RERE: variants seen among roughly 807,000 people sequenced by gnomAD.
The protein encoded by RERE is arginine-glutamic acid dipeptide repeats protein.
In RERE, 40 loss-of-function variants were observed where a neutral mutation model predicts 146.1. The observed-to-expected ratio is 0.27, with a 90% confidence interval of 0.21 to 0.36. The LOEUF is 0.36. RERE is among the 10% of genes least tolerant of loss of function. The pLI is 1.00. For synonymous variants in RERE, 1,003 were observed against 866.0 expected (o/e 1.16, Z -2.78); for missense variants, 1,933 against 2,138.7 (o/e 0.90, Z 1.90).
At chr1:8,780,098 C>A (rs566398801) in intron 1 of RERE, among the ~76,000 whole-genome samples, 18 of 152,146 alleles carry the variant, frequency 1.2e-4, no homozygotes, top group Admixed American at 9.8e-4. Context: ...TGGCAAGATT[C>A]TGTCTCAAAA....
chr1:8,743,012 C>T (rs1640341914), intron 1 of RERE, among the ~76,000 whole-genome samples: 2 of 151,958 alleles, frequency 1.3e-5, no homozygotes, highest in South Asian at 2.1e-4. Flanking sequence ...ATTGTTTAAT[C>T]CTCGAGACAT....
At chr1:8,799,122 T>C (rs1250917401) in intron 1 of RERE, among the ~76,000 whole-genome samples, 1 of 151,756 alleles carries the variant, frequency 6.6e-6, no homozygotes, top group Admixed American at 6.6e-5. Context: ...GCCTCCTGAG[T>C]AGTTAGGATT....
chr1:8,520,776 A>AAAAC (rs1406118842), intron 7 of RERE, among the ~76,000 whole-genome samples: 16 of 150,364 alleles, frequency 1.1e-4, no homozygotes, highest in African/African-American at 3.9e-4. Flanking sequence ...AAAAAAAAAA[A>AAAAC]CCACTATGAC....
chr1:8,559,654 CTT>C (rs1646054523), intron 4 of RERE, among the ~76,000 whole-genome samples: 1 of 151,940 alleles, frequency 6.6e-6, no homozygotes, highest in Admixed American at 6.6e-5. Context: ...TAACATCTGA[CTT>C]GAGAAAAAAT....
intron 1 of RERE, among the ~76,000 whole-genome samples, chr1:8,766,530 C>G (rs6577521): frequency 0.85 from 123,608 of 144,764 alleles, 52,827 homozygotes; most frequent in East Asian, 0.95. Context: ...CTAGGCAACA[C>G]AGCAAGACTC....
intron 19 of RERE, among the ~76,000 whole-genome samples, chr1:8,359,452 T>G (rs952982953): frequency 6.6e-6 from 1 of 152,286 alleles, no homozygotes; most frequent in East Asian, 1.9e-4. Flanking sequence ...CCCGACTCCT[T>G]CAAATTACTT....
chr1:8,505,120 C>CT (rs1307749366), intron 8 of RERE, among the ~76,000 whole-genome samples: 2 of 152,116 alleles, frequency 1.3e-5, no homozygotes, highest in Non-Finnish European at 2.9e-5. Flanking sequence ...CACTGGGGGA[C>CT]TAGGGGAAGG....
chr1:8,606,348 A>C (rs1646708204), intron 4 of RERE, among the ~76,000 whole-genome samples: 1 of 152,180 alleles, frequency 6.6e-6, no homozygotes. Context: ...AAAATTTTCC[A>C]ATTTATGTTC....
chr1:8,471,608 G>A (rs1644687419), intron 10 of RERE, among the ~76,000 whole-genome samples: 1 of 151,638 alleles, frequency 6.6e-6, no homozygotes, highest in South Asian at 2.1e-4. Context: ...GAATTCCTGG[G>A]CTCAAGCAAT....
chr1:8,519,184 C>A (rs1381960527), intron 7 of RERE, among the ~76,000 whole-genome samples: 2 of 152,056 alleles, frequency 1.3e-5, no homozygotes, highest in Admixed American at 1.3e-4. Context: ...AGTTCAGGAC[C>A]AGCCTAGGCA....
At chr1:8,766,068 G>C (rs962203456) in intron 1 of RERE, among the ~76,000 whole-genome samples, 8 of 152,136 alleles carry the variant, frequency 5.3e-5, no homozygotes, top group African/African-American at 1.9e-4. Context: ...AGCTGAGATT[G>C]CAACACTGCA....
At chr1:8,609,803 C>T (rs1646769095) in intron 4 of RERE, among the ~76,000 whole-genome samples, 1 of 152,192 alleles carries the variant, frequency 6.6e-6, no homozygotes, top group Admixed American at 6.5e-5. Context: ...AGAAGTGATA[C>T]TTACTAATGG....
At chr1:8,814,675 G>A (rs1641877091) in intron 1 of RERE, among the ~76,000 whole-genome samples, 1 of 152,144 alleles carries the variant, frequency 6.6e-6, no homozygotes, top group African/African-American at 2.4e-5. Context: ...ACTTTCCATA[G>A]AGTAGGTTTA....
chr1:8,746,719 AAC>A (rs1382445529), intron 1 of RERE, among the ~76,000 whole-genome samples: 1 of 151,528 alleles, frequency 6.6e-6, no homozygotes, highest in African/African-American at 2.4e-5. Context: ...GGGCCAAAGA[AAC>A]AGTTATAAGA....
At chr1:8,781,374 T>C (rs1280200299) in intron 1 of RERE, among the ~76,000 whole-genome samples, 19 of 137,128 alleles carry the variant, frequency 1.4e-4, no homozygotes, top group African/African-American at 4.9e-4. Context: ...AAAAAACAAC[T>C]TTTTTTTAAA....
chr1:8,387,976 G>A (rs1642742234), intron 12 of RERE, among the ~76,000 whole-genome samples: 2 of 152,328 alleles, frequency 1.3e-5, no homozygotes, highest in South Asian at 4.1e-4. Flanking sequence ...AGAACTGTAT[G>A]CAACAGCAAA....
intron 11 of RERE, among the ~76,000 whole-genome samples, chr1:8,437,862 C>T (rs1644191814): frequency 6.6e-6 from 1 of 151,990 alleles, no homozygotes; most frequent in Admixed American, 6.6e-5. Context: ...GCTGAGACTT[C>T]TGCTCCCCCC....
chr1:8,605,745 C>CAAAAAAAAAAAAAAAAAAAAA (rs564574812), intron 4 of RERE, among the ~76,000 whole-genome samples: 7 of 64,534 alleles, frequency 1.1e-4, no homozygotes, highest in African/African-American at 3.7e-4. Flanking sequence ...ACCCCATCTC[C>CAAAAAAAAAAAAAAAAAAAAA]AAAAAAAAAA....
intron 1 of RERE, among the ~76,000 whole-genome samples, chr1:8,716,299 C>CAAAAAAAAAAAAAAA (rs34590852): frequency 9.1e-6 from 1 of 109,590 alleles, no homozygotes; most frequent in African/African-American, 3.4e-5. Context: ...CTCATCTCTA[C>CAAAAAAAAAAAAAAA]AAAAAAAAAA....
Sources: allele counts gnomAD v4.1 joint callset (sites outside exome capture counted in the v4.1 genomes callset), GRCh38; gene constraint gnomAD v4.1.1; transcripts MANE v1.5; gene names NCBI Gene and HGNC (gene_info 2026-07-23, HGNC 2026-07-21).